Variants in TTLL2 observed in about 807,000 individuals in gnomAD.
TTLL2 encodes the protein probable tubulin polyglutamylase TTLL2.
Under a neutral mutation model 7.5 loss-of-function variants are expected in TTLL2, and 10 were observed. That is an observed-to-expected ratio of 1.33 (90% CI 0.82 to 2.25). The LOEUF (loss-of-function observed/expected upper bound fraction) is 2.25. TTLL2 is among the 30% of genes most tolerant of loss of function. The pLI, the probability that TTLL2 is intolerant of heterozygous loss-of-function variation, is 0.00. For synonymous variants in TTLL2, 284 were observed against 280.3 expected (o/e 1.01, Z -0.13); for missense variants, 733 against 735.7 (o/e 1.00, Z 0.04).
Position 167,341,080 on chromosome 6 carries a change from A to G in TTLL2, c.1180A>G (p.Thr394Ala), listed in dbSNP as rs1160289093. Residue 394 changes from threonine (T) to alanine (A), a missense_variant, in exon 3 of 3, where the codon ACC (threonine) becomes GCC (alanine). By Grantham distance (58) the Thr-to-Ala change is moderately conservative. Transcript: ENST00000239587. ...LLEVNYSPALTLDCSTDVLVK... is the reference protein window; with the variant it reads ...LLEVNYSPALALDCSTDVLVK... ...AGAGGTCAACTACAGCCCAGCCTTG[A>G]CCTTGGATTGTTCAACAGATGTGTT... 3.1e-6 allele frequency: 5 copies of G among 1,613,932 alleles called. No homozygotes were observed. In the South Asian group the frequency reaches 4.4e-5, roughly 14 times the overall value.
At chr6:167,339,170 G>A (rs751130137) in intron 2 of TTLL2, among the ~76,000 whole-genome samples, 11 of 151,750 alleles carry the variant, frequency 7.2e-5, no homozygotes, top group Non-Finnish European at 1.5e-4. Flanking sequence ...TTTCCACCAA[G>A]TAAGTTATTT....
intron 1 of TTLL2, among the ~76,000 whole-genome samples, chr6:167,336,944 C>G (rs1260982047): frequency 2.6e-5 from 4 of 152,206 alleles, no homozygotes; most frequent in African/African-American, 9.7e-5. Context: ...ACCTCTGTCC[C>G]CCGCCCTGGG....
Position 167,341,513 on chromosome 6 carries a change from C to T in TTLL2, c.1613C>T (p.Ser538Phe), listed in dbSNP as rs1286911105. ...TCGCACTCCTGCAAGACCAAGACCTCCCCGTGTGTCCTGTCAGACCGTGGC... is the reference window on the plus strand; with the variant it reads ...TCGCACTCCTGCAAGACCAAGACCTTCCCGTGTGTCCTGTCAGACCGTGGC... Reference protein sequence around the residue: ...FQSHSCKTKTSPCVLSDRGKA... With the variant: ...FQSHSCKTKTFPCVLSDRGKA... The change falls in exon 3 of 3, where the codon TCC becomes TTC. Residue 538 changes from serine to phenylalanine, a missense_variant. By Grantham distance (155) the Ser-to-Phe change is radical. Transcript: ENST00000239587. 1 of 1,614,174 alleles carries T rather than the reference C, an allele frequency of 6.2e-7. No individual in the cohort carries two copies. Among genetic ancestry groups the T allele is most frequent in the South Asian group, 1.1e-5 (1 of 91,090 alleles).
chr6:167,329,895 T>G (rs1426601587), intron 1 of TTLL2, among the ~76,000 whole-genome samples: 5 of 152,166 alleles, frequency 3.3e-5, no homozygotes. Context: ...GAAGTCCAAA[T>G]ATTCAAAAGC....
chr6:167,325,321 G>C, intron 1 of TTLL2, 101 bp downstream of exon 1: 2 of 1,246,518 alleles, frequency 1.6e-6, no homozygotes, highest in Admixed American at 3.0e-5. Context: ...AGGGTCACTA[G>C]GAGCAGCGAG....
intron 2 of TTLL2, 41 bp downstream of exon 2, chr6:167,338,844 C>CTTCCTTCCTTCATTCA (rs1554246404): frequency 7.0e-7 from 1 of 1,432,736 alleles, no homozygotes; most frequent in Admixed American, 2.4e-5. Context: ...TCCTTCCTTC[C>CTTCCTTCCTTCATTCA]TTCCTTCCTT....
chr6:167,337,904 C>T (rs994069227), intron 1 of TTLL2, among the ~76,000 whole-genome samples: 2 of 151,716 alleles, frequency 1.3e-5, no homozygotes, highest in Non-Finnish European at 2.9e-5. Flanking sequence ...ACACAATGCA[C>T]ACAACATACA....
chr6:167,341,063 A>G lies in TTLL2; in HGVS notation c.1163A>G (p.Asn388Ser), dbSNP rs144554559. 3.3e-4 allele frequency: 535 copies of G among 1,613,896 alleles called. No individual in the cohort carries two copies. The highest frequency in any genetic ancestry group is 4.2e-4 in the Non-Finnish European group (490 of 1,179,988). The change falls in exon 3 of 3, where the codon AAC (asparagine) becomes AGC (serine). Residue 388 changes from asparagine (N) to serine (S), a missense_variant. Transcript: ENST00000239587. The stretch of plus-strand genomic sequence containing the variant: ...TTGAAACCATGGCTTTTAGAGGTCA[A>G]CTACAGCCCAGCCTTGACCTTGGAT... The part of the protein sequence containing the change: ...DNLKPWLLEV[N>S]YSPALTLDCS...
chr6:167,341,301 G>A lies in TTLL2; in HGVS notation c.1401G>A (p.Glu467=). 6.2e-7 allele frequency: 1 copy of A among 1,613,654 alleles called. No homozygotes were observed. The highest frequency in any genetic ancestry group is 8.5e-7 in the Non-Finnish European group (1 of 1,179,980). The stretch of plus-strand genomic sequence containing the variant: ...CGTTCACAAGCAGAATGTACAACGA[G>A]GATGACTCTGTGGTGGAGAAAGCTG... ...SLSFTSRMYN[E]DDSVVEKAVS... The change falls in exon 3 of 3, where the codon GAG becomes GAA. Residue 467 remains glutamate (E), a synonymous_variant. Transcript: ENST00000239587.
At chr6:167,339,440 G>A (rs1779040002) in intron 2 of TTLL2, among the ~76,000 whole-genome samples, 1 of 152,150 alleles carries the variant, frequency 6.6e-6, no homozygotes, top group Admixed American at 6.5e-5. Flanking sequence ...TTTAAAATGT[G>A]AGGCAAAATC....
intron 1 of TTLL2, chr6:167,328,304 G>C: frequency 3.0e-6 from 1 of 331,508 alleles, no homozygotes; most frequent in South Asian, 2.5e-5. Flanking sequence ...CTAGAGATCG[G>C]GATTCCCGCA....
rs1298667518 is a variant in TTLL2 at position 167,330,150 on chromosome 6, G to T, written c.47+4930G>T. Among the ~76,000 whole-genome samples, 2 of 152,170 alleles carry T rather than the reference G, an allele frequency of 1.3e-5. 1 individual carries two copies. Among genetic ancestry groups the T allele is most frequent in the African/African-American group, 4.8e-5 (2 of 41,422 alleles). The stretch of plus-strand genomic sequence containing the variant: ...CATAAATCTCCTGGCTTCCGACCTA[G>T]AAAACAGATGTTATAAAAATGGAGG... On this transcript the variant is annotated intron_variant, in intron 1 of 2. Transcript: ENST00000239587.
In TTLL2 at chr6:167,340,957, A is replaced by C; in HGVS notation, c.1057A>C (p.Ile353Leu). 1 of 1,614,052 alleles carries C rather than the reference A, an allele frequency of 6.2e-7. No individual in the cohort carries two copies. Among genetic ancestry groups the C allele is most frequent in the East Asian group, 2.2e-5 (1 of 44,862 alleles). ...AATCCACCGCATGGTTATTCTCACC[A>C]TTCTCGCCATTGCACCATCTGTCCC... is the stretch of plus-strand genomic sequence containing the variant. ...KKIHRMVILT[I>L]LAIAPSVPFA... The change falls in exon 3 of 3, where the codon ATT (isoleucine) becomes CTT (leucine). Residue 353 changes from isoleucine to leucine, a missense_variant. Physicochemically the swap from Ile to Leu is conservative, Grantham distance 5. Transcript: ENST00000239587.
At chr6:167,332,969 C>T (rs1778939316) in intron 1 of TTLL2, among the ~76,000 whole-genome samples, 1 of 26,074 alleles carries the variant, frequency 3.8e-5, no homozygotes, top group African/African-American at 1.8e-4. Context: ...CCAGAACTTC[C>T]AACACTATGT....
intron 1 of TTLL2, among the ~76,000 whole-genome samples, chr6:167,327,799 A>C (rs1778865340): frequency 6.6e-6 from 1 of 152,186 alleles, no homozygotes; most frequent in Admixed American, 6.5e-5. Context: ...AAATCCTAAA[A>C]GTATAGGTCT....
intron 1 of TTLL2, 62 bp from the exon 2 acceptor site, chr6:167,338,585 A>G: frequency 1.9e-6 from 3 of 1,545,296 alleles, no homozygotes; most frequent in Admixed American, 1.9e-5. Context: ...TATGTTCCTT[A>G]TTAAAGCAAC....
rs1779101649 is a variant in TTLL2 at position 167,341,774 on chromosome 6, C to A, written c.*95C>A. 3 of 1,324,108 alleles carry A rather than the reference C, an allele frequency of 2.3e-6. No homozygotes were observed. The highest frequency in any genetic ancestry group is 3.0e-6 in the Non-Finnish European group (3 of 994,098). 82.0% of individuals were successfully genotyped at this position (1,324,108 alleles called of 1,614,324 possible). A position where few individuals can be genotyped will look rare whatever the true frequency, so the allele number is the denominator to read the frequency against. ...GCAATAGTTCAAGTCCCTACCTGTG[C>A]CACCAGCATGTTAACTATGACATTG... On this transcript the variant is annotated 3_prime_UTR_variant, in exon 3 of 3. Transcript: ENST00000239587.
chr6:167,331,132 A>G (rs547457346), intron 1 of TTLL2, among the ~76,000 whole-genome samples: 3 of 152,328 alleles, frequency 2.0e-5, no homozygotes, highest in African/African-American at 7.2e-5. Context: ...TTATTAACTG[A>G]AAAATATTAA....
At chr6:167,328,793 C>T (rs1778879845) in intron 1 of TTLL2, among the ~76,000 whole-genome samples, 1 of 152,114 alleles carries the variant, frequency 6.6e-6, no homozygotes, top group Non-Finnish European at 1.5e-5. Context: ...GTTTAATCTC[C>T]AGGATCTCAG....
Sources: gnomAD v4.1 joint callset for allele counts (sites outside exome capture counted in the v4.1 genomes callset) on GRCh38, gnomAD v4.1.1 for gene constraint, MANE v1.5 for transcripts, NCBI Gene and HGNC (gene_info 2026-07-23, HGNC 2026-07-21) for gene names.